CABIN1: variants seen among roughly 807,000 people sequenced by gnomAD.
The protein encoded by CABIN1 is calcineurin-binding protein cabin-1.
Under a neutral mutation model 227.7 loss-of-function variants are expected in CABIN1, and 133 were observed. That is an observed-to-expected ratio of 0.58 (90% CI 0.51 to 0.67). The LOEUF is 0.67. CABIN1 is among the 30% of genes least tolerant of loss of function. The pLI, the probability that CABIN1 is intolerant of heterozygous loss-of-function variation, is 0.00. For synonymous variants in CABIN1, 1,086 were observed against 1,155.1 expected (o/e 0.94, Z 1.21); for missense variants, 2,408 against 2,852.5 (o/e 0.84, Z 3.55).
In CABIN1 at chr22:24,056,454, T is replaced by C. The variant is rs2038805637; in HGVS notation, c.1262+94T>C. 4 of 1,202,052 alleles carry C rather than the reference T, an allele frequency of 3.3e-6. No individual in the cohort carries two copies. The Admixed American group carries it at 7.0e-5, about 21-fold the overall frequency. 74.5% of individuals were successfully genotyped at this position (1,202,052 alleles called of 1,614,324 possible). A position where few individuals can be genotyped will look rare whatever the true frequency, so the allele number is the denominator to read the frequency against. The stretch of plus-strand genomic sequence containing the variant: ...TTCTCATTCCATTGCCACCCTCTTC[T>C]CTGGTCTCCTCCTCTGTGTTCCCAT... On this transcript the variant is annotated intron_variant, in intron 10 of 36. Transcript: ENST00000263119.
At chr22:24,140,586 C>G (rs1454134682) in intron 29 of CABIN1, among the ~76,000 whole-genome samples, 1 of 152,256 alleles carries the variant, frequency 6.6e-6, no homozygotes, top group East Asian at 1.9e-4. Flanking sequence ...CTCTCCCTGT[C>G]TTGTAGTTGA....
chr22:24,048,408 C>G (rs891755204), intron 6 of CABIN1, among the ~76,000 whole-genome samples: 1 of 151,934 alleles, frequency 6.6e-6, no homozygotes, highest in Non-Finnish European at 1.5e-5. Context: ...CATGGTGGGA[C>G]AGAGTGGTTT....
Position 24,038,328 on chromosome 22 carries a change from T to A in CABIN1, c.97-20T>A, listed in dbSNP as rs779510011. On this transcript the variant is annotated intron_variant, in intron 3 of 36. Coordinates refer to ENST00000263119, the MANE Select transcript of CABIN1 (RefSeq NM_012295.4). The stretch of plus-strand genomic sequence containing the variant: ...CAGATCTTTATGCTGTATGAAAACA[T>A]CTCTTGTCTTGATTTGCAGGAAGCA... 3.1e-5 allele frequency: 50 copies of A among 1,588,266 alleles called. No homozygotes were observed. The highest frequency in any genetic ancestry group is 4.0e-5 in the Non-Finnish European group (46 of 1,156,878).
intron 29 of CABIN1, among the ~76,000 whole-genome samples, chr22:24,139,227 A>T (rs2044597782): frequency 6.6e-6 from 1 of 152,180 alleles, no homozygotes; most frequent in Non-Finnish European, 1.5e-5. Context: ...CCAAGCTGTT[A>T]TCTTTTTCTG....
chr22:24,067,738 C>T (rs1215314473), intron 16 of CABIN1, among the ~76,000 whole-genome samples: 1 of 152,162 alleles, frequency 6.6e-6, no homozygotes, highest in Non-Finnish European at 1.5e-5. Flanking sequence ...TATTCAACCT[C>T]TCTGAGCTCA....
intron 6 of CABIN1, among the ~76,000 whole-genome samples, chr22:24,045,215 C>T (rs537390733): frequency 2.6e-5 from 4 of 152,318 alleles, no homozygotes; most frequent in South Asian, 2.1e-4. Context: ...TGAGCCACTG[C>T]GCCCAGCCCA....
chr22:24,039,380 C>T (rs961546596), intron 4 of CABIN1, among the ~76,000 whole-genome samples: 1 of 152,114 alleles, frequency 6.6e-6, no homozygotes, highest in African/African-American at 2.4e-5. Flanking sequence ...AGCATCTGTT[C>T]CTTCTCTCAC....
chr22:24,165,736 C>T (rs45487198), intron 31 of CABIN1, 110 bp downstream of exon 31: 1 of 862,170 alleles, frequency 1.2e-6, no homozygotes, highest in South Asian at 1.4e-5. Context: ...CAGGATGTGC[C>T]TAAGGGTCCC....
At chr22:24,105,219 A>G (rs1411658684) in intron 26 of CABIN1, among the ~76,000 whole-genome samples, 2 of 152,028 alleles carry the variant, frequency 1.3e-5, no homozygotes, top group Admixed American at 1.3e-4. Context: ...TCATTCCTTT[A>G]CAGTTGATCC....
intron 1 of CABIN1, among the ~76,000 whole-genome samples, chr22:24,033,262 T>A (rs1438921246): frequency 6.6e-6 from 1 of 152,204 alleles, no homozygotes; most frequent in Non-Finnish European, 1.5e-5. Context: ...CAGAGCCTAT[T>A]GTGAAAGCCT....
Position 24,064,170 on chromosome 22 carries a change from G to T in CABIN1, c.2020G>T (p.Val674Leu), listed in dbSNP as rs778630879. 6.2e-6 allele frequency: 10 copies of T among 1,614,094 alleles called. No homozygotes were observed. The Admixed American group carries it at 1.5e-4, about 24-fold the overall frequency. Reference sequence around the variant, plus strand: ...GCTGCCCAACCTCCATAATGACTCTGTGGTTTCCCTGGAGGAGGTAAGTGA... The same window carrying T: ...GCTGCCCAACCTCCATAATGACTCTTTGGTTTCCCTGGAGGAGGTAAGTGA... ...IRLPNLHNDS[V>L]VSLEEIDKNL... Residue 674 changes from valine to leucine, a missense_variant, in exon 15 of 37, where the codon GTG becomes TTG. Transcript: ENST00000263119.
At chr22:24,169,063 G>A (rs550306214) in intron 33 of CABIN1, among the ~76,000 whole-genome samples, 1 of 152,276 alleles carries the variant, frequency 6.6e-6, no homozygotes, top group South Asian at 2.1e-4. Context: ...TCCAGGCCAG[G>A]GCTGGGGAGG....
intron 1 of CABIN1, among the ~76,000 whole-genome samples, chr22:24,033,963 A>C (rs932674629): frequency 6.6e-6 from 1 of 152,186 alleles, no homozygotes; most frequent in Admixed American, 6.5e-5. Flanking sequence ...TCCATTTGGC[A>C]CCAGGGACTG....
intron 29 of CABIN1, among the ~76,000 whole-genome samples, chr22:24,142,060 T>C (rs1050215871): frequency 3.9e-5 from 6 of 152,052 alleles, no homozygotes; most frequent in African/African-American, 7.2e-5. Flanking sequence ...TCATGCCCAT[T>C]GTACTTTAAT....
chr22:24,170,753 C>CCCG lies in CABIN1; in HGVS notation c.5758-958_5758-957insGCC, dbSNP rs1556005487. Among the ~76,000 whole-genome samples, 5 of 83,518 alleles carry CCCG rather than the reference C, an allele frequency of 6.0e-5. 1 individual carries two copies. The highest frequency in any genetic ancestry group is 2.7e-4 in the African/African-American group (4 of 15,066). 54.8% of individuals were successfully genotyped at this position (83,518 alleles called of 152,430 possible). On this transcript the variant is annotated intron_variant, in intron 33 of 36. Coordinates refer to ENST00000263119, the MANE Select transcript of CABIN1 (RefSeq NM_012295.4). ...CAGGGTCATCGGTGGTAGCAAACTG[C>CCCG]CCCCCCCCCCGCCCCCATGCACTGA...
chr22:24,111,321 C>T (rs568464633), intron 26 of CABIN1, among the ~76,000 whole-genome samples: 4 of 152,246 alleles, frequency 2.6e-5, no homozygotes, highest in East Asian at 1.9e-4. Context: ...GGTACCAGTC[C>T]GTGGCCTGTT....
chr22:24,041,419 A>G, intron 5 of CABIN1, 146 bp downstream of exon 5: 4 of 1,019,042 alleles, frequency 3.9e-6, no homozygotes, highest in Non-Finnish European at 6.0e-6. Flanking sequence ...GTAGGTCCAT[A>G]GGTGATAACA....
At chr22:24,070,012 C>T (rs113717945) in intron 16 of CABIN1, among the ~76,000 whole-genome samples, 2,064 of 151,044 alleles carry the variant, frequency 0.014, 44 homozygotes, top group African/African-American at 0.047. Context: ...TTTCCCCATG[C>T]ACCAGCACAG....
At chr22:24,047,274 G>A (rs1379568022) in intron 6 of CABIN1, among the ~76,000 whole-genome samples, 1 of 152,224 alleles carries the variant, frequency 6.6e-6, no homozygotes, top group Non-Finnish European at 1.5e-5. Flanking sequence ...GGCATTTTAT[G>A]TATTTGATAT....
Sources: allele counts gnomAD v4.1 joint callset (sites outside exome capture counted in the v4.1 genomes callset), GRCh38; gene constraint gnomAD v4.1.1; transcripts MANE v1.5; gene names NCBI Gene and HGNC (gene_info 2026-07-23, HGNC 2026-07-21).